CNTN4: variants seen among roughly 807,000 people sequenced by gnomAD.
The protein encoded by CNTN4 is contactin 4.
Under a neutral mutation model 122.5 loss-of-function variants are expected in CNTN4, and 77 were observed. The observed-to-expected ratio is 0.63, with a 90% CI of 0.52 to 0.76. CNTN4 has a LOEUF of 0.76. CNTN4 is among the 30% of genes least tolerant of loss of function. CNTN4 has a pLI of 0.00. For missense variants in CNTN4, 1,256 were observed against 1,259.1 expected, an observed-to-expected ratio of 1.00 and a Z score of 0.04; for synonymous variants, 512 against 447.0, an observed-to-expected ratio of 1.15 and a Z score of -1.83.
intron 4 of CNTN4, among the ~76,000 whole-genome samples, chr3:2,688,123 A>T (rs1272742904): frequency 3.3e-5 from 5 of 152,236 alleles, no homozygotes; most frequent in Non-Finnish European, 5.9e-5. Context: ...TAACTTATTA[A>T]AATATGAAAA....
intron 13 of CNTN4, among the ~76,000 whole-genome samples, chr3:2,981,211 G>A (rs1461223760): frequency 1.3e-5 from 2 of 152,186 alleles, no homozygotes; most frequent in Non-Finnish European, 2.9e-5. Flanking sequence ...TTGGCAGGCC[G>A]AGGCAGGCAG....
chr3:2,213,158 T>C (rs2038693682), intron 2 of CNTN4, among the ~76,000 whole-genome samples: 1 of 152,162 alleles, frequency 6.6e-6, no homozygotes, highest in Non-Finnish European at 1.5e-5. Context: ...ACTGAGAATG[T>C]TGGAGTTGAG....
chr3:2,355,666 T>A (rs2044842067), intron 3 of CNTN4, among the ~76,000 whole-genome samples: 1 of 152,186 alleles, frequency 6.6e-6, no homozygotes, highest in South Asian at 2.1e-4. Flanking sequence ...TACCTTAGTA[T>A]GTATTCAGTC....
intron 3 of CNTN4, among the ~76,000 whole-genome samples, chr3:2,444,342 A>G (rs555972903): frequency 2.0e-5 from 3 of 152,246 alleles, no homozygotes; most frequent in African/African-American, 7.2e-5. Flanking sequence ...GACATTAGGT[A>G]TGCTGTTCCG....
intron 3 of CNTN4, among the ~76,000 whole-genome samples, chr3:2,557,321 C>G (rs777896560): frequency 6.6e-6 from 1 of 152,218 alleles, no homozygotes; most frequent in African/African-American, 2.4e-5. Context: ...GATCTCACAT[C>G]GCATTGCAAG....
chr3:2,932,285 G>A (rs1189634114), intron 13 of CNTN4, among the ~76,000 whole-genome samples: 1 of 152,200 alleles, frequency 6.6e-6, no homozygotes, highest in Non-Finnish European at 1.5e-5. Flanking sequence ...GGCTGAGGCA[G>A]GAGAATGGCG....
chr3:2,284,742 C>G (rs897085029), intron 2 of CNTN4, among the ~76,000 whole-genome samples: 1 of 151,096 alleles, frequency 6.6e-6, no homozygotes, highest in Non-Finnish European at 1.5e-5. Context: ...TAAATTATAT[C>G]CAACAGGAGA....
chr3:2,108,057 A>G (rs2032598876), intron 2 of CNTN4, among the ~76,000 whole-genome samples: 1 of 151,880 alleles, frequency 6.6e-6, no homozygotes, highest in Admixed American at 6.6e-5. Flanking sequence ...TCCCTCCTGG[A>G]TGATGCTTTC....
chr3:2,433,708 C>T (rs892660653), intron 3 of CNTN4, among the ~76,000 whole-genome samples: 5 of 152,008 alleles, frequency 3.3e-5, no homozygotes, highest in Admixed American at 6.6e-5. Flanking sequence ...ACCAATGTTG[C>T]GGAGCATTTC....
chr3:2,749,784 T>C (rs1170152123), intron 6 of CNTN4, among the ~76,000 whole-genome samples: 1 of 152,224 alleles, frequency 6.6e-6, no homozygotes, highest in Non-Finnish European at 1.5e-5. Context: ...TGTTTTTCCC[T>C]ATCTTTTGTA....
chr3:2,375,222 CATT>C (rs2045772863), intron 3 of CNTN4, among the ~76,000 whole-genome samples: 1 of 152,146 alleles, frequency 6.6e-6, no homozygotes, highest in South Asian at 2.1e-4. Context: ...TTATCTGAGG[CATT>C]ATTTTGCCTT....
intron 8 of CNTN4, among the ~76,000 whole-genome samples, chr3:2,873,525 C>T (rs1376727034): frequency 6.6e-6 from 1 of 152,186 alleles, no homozygotes; most frequent in Non-Finnish European, 1.5e-5. Flanking sequence ...CCAAAGGAGA[C>T]CTTTAAAATA....
At chr3:2,491,943 A>G (rs1009219757) in intron 3 of CNTN4, among the ~76,000 whole-genome samples, 3 of 151,554 alleles carry the variant, frequency 2.0e-5, no homozygotes, top group African/African-American at 7.3e-5. Flanking sequence ...TATACTGTAA[A>G]CTTTTTAGGC....
intron 4 of CNTN4, among the ~76,000 whole-genome samples, chr3:2,654,105 A>G (rs920240771): frequency 2.0e-5 from 3 of 152,198 alleles, no homozygotes; most frequent in Admixed American, 6.5e-5. Flanking sequence ...GCTTTTTGAA[A>G]GCAATTGCTG....
rs147732621 is a variant in CNTN4, at chr3:2,275,997, A to T, written c.-144-63181A>T. Among the ~76,000 whole-genome samples the T allele has an allele frequency of 3.7e-3, 556 of 151,838 alleles. 4 individuals are homozygous for T. The highest frequency in any genetic ancestry group is 0.013 in the African/African-American group (529 of 41,416). On this transcript the variant is annotated intron_variant, in intron 2 of 24. Transcript: ENST00000418658. ...TGAAATATCAGGTGAGTATAAAATC[A>T]TTGGTAATTCTAACAACTGAAATTA...
intron 6 of CNTN4, among the ~76,000 whole-genome samples, chr3:2,774,744 G>GT (rs773558215): frequency 2.0e-5 from 3 of 152,142 alleles, no homozygotes; most frequent in Non-Finnish European, 4.4e-5. Context: ...TGTTACAGCA[G>GT]TTTTGGAACC....
chr3:2,315,740 G>C (rs767512774), intron 2 of CNTN4, among the ~76,000 whole-genome samples: 1 of 151,880 alleles, frequency 6.6e-6, no homozygotes, highest in African/African-American at 2.4e-5. Context: ...TACCAGTAAT[G>C]AACATTAGTA....
chr3:2,414,300 T>A (rs1214168883), intron 3 of CNTN4, among the ~76,000 whole-genome samples: 2 of 152,216 alleles, frequency 1.3e-5, no homozygotes, highest in Non-Finnish European at 2.9e-5. Flanking sequence ...TTGTTTCTTC[T>A]ACACCATTTA....
At chr3:2,981,402 G>T (rs369077127) in intron 13 of CNTN4, among the ~76,000 whole-genome samples, 11 of 151,398 alleles carry the variant, frequency 7.3e-5, no homozygotes, top group South Asian at 2.1e-4. Context: ...CGAGATCGCA[G>T]CACTGCACTC....
Sources: gnomAD v4.1 joint callset for allele counts (sites outside exome capture counted in the v4.1 genomes callset) on GRCh38, gnomAD v4.1.1 for gene constraint, MANE v1.5 for transcripts, NCBI Gene and HGNC (gene_info 2026-07-23, HGNC 2026-07-21) for gene names.